CTDP1: variants seen among roughly 807,000 people sequenced by gnomAD.
CTDP1 encodes the protein RNA polymerase II subunit A C-terminal domain phosphatase.
Under a neutral mutation model 91.8 loss-of-function variants are expected in CTDP1, and 47 were observed. The observed-to-expected ratio is 0.51, with a 90% CI of 0.41 to 0.65. The LOEUF (loss-of-function observed/expected upper bound fraction) is 0.65. Among genes scored for constraint, CTDP1 ranks in the 30% least tolerant of loss-of-function variants. The pLI, the probability that CTDP1 is intolerant of heterozygous loss-of-function variation, is 0.00. For missense variants in CTDP1, 1,272 were observed against 1,373.7 expected, an observed-to-expected ratio of 0.93 and a Z score of 1.17; for synonymous variants, 656 against 598.5, an observed-to-expected ratio of 1.10 and a Z score of -1.40.
chr18:79,726,776 C>T (rs8085420), intron 10 of CTDP1, among the ~76,000 whole-genome samples: 56,576 of 108,410 alleles, frequency 0.52, 14,194 homozygotes, highest in Middle Eastern at 0.65. Flanking sequence ...GACACCATTG[C>T]TGGTGGACGG....
Position 79,714,479 on chromosome 18 carries a change from AT to A in CTDP1, c.1031-11del. ...AAATTGCGGTAACTTTTCCTTTTGC[AT>A]GCATATTTAGTAAATCATTCTCGAG... On this transcript the variant is annotated splice_polypyrimidine_tract_variant and intron_variant, in intron 7 of 12. Transcript: ENST00000613122. The A allele has an allele frequency of 1.2e-6, 2 of 1,612,940 alleles. No individual in the cohort carries two copies. Among genetic ancestry groups the A allele is most frequent in the Non-Finnish European group, 1.7e-6 (2 of 1,179,888 alleles).
intron 5 of CTDP1, among the ~76,000 whole-genome samples, chr18:79,709,852 T>G (rs1322595450): frequency 6.6e-6 from 1 of 152,236 alleles, no homozygotes; most frequent in Admixed American, 6.5e-5. Flanking sequence ...GAAGCAAACT[T>G]CCTTGATAAC....
chr18:79,740,106 G>A (rs11520413), intron 12 of CTDP1, among the ~76,000 whole-genome samples: 5 of 3,586 alleles, frequency 1.4e-3, no homozygotes, highest in East Asian at 0.026. Flanking sequence ...ACCCACGGCC[G>A]GGACGGGTGG....
intron 9 of CTDP1, 24 bp from the exon 10 acceptor site, chr18:79,717,786 G>A: frequency 6.2e-7 from 1 of 1,613,710 alleles, no homozygotes; most frequent in South Asian, 1.1e-5. Context: ...CCCGCTCATG[G>A]CCCTCGTTCT....
rs2086509489 is a variant in CTDP1, at chr18:79,729,006, T to C, written c.2517T>C (p.Ser839=). ...CTTCTAGAAGAAAGCGACAGCCCAG[T>C]ATGTCTGAGACAATGCCGCTGTACA... is the stretch of plus-strand genomic sequence containing the variant. ...PGPSRRKRQP[S]MSETMPLYTL... is the part of the protein sequence containing the mutation. The change falls in exon 11 of 13, where the codon AGT becomes AGC. Residue 839 remains serine, a synonymous_variant. Transcript: ENST00000613122. The C allele has an allele frequency of 6.2e-7, 1 of 1,614,026 alleles. No homozygotes were observed. Among genetic ancestry groups the C allele is most frequent in the Non-Finnish European group, 8.5e-7 (1 of 1,180,044 alleles).
intron 1 of CTDP1, among the ~76,000 whole-genome samples, chr18:79,684,008 C>A (rs1010162287): frequency 4.6e-5 from 7 of 152,246 alleles, no homozygotes; most frequent in Non-Finnish European, 8.8e-5. Context: ...CGGGAAGTAT[C>A]TTTGAAAACA....
chr18:79,686,791 T>A (rs2085503430), intron 1 of CTDP1, among the ~76,000 whole-genome samples: 1 of 152,070 alleles, frequency 6.6e-6, no homozygotes, highest in South Asian at 2.1e-4. Flanking sequence ...CTGGTGGGCC[T>A]GCACCACAGC....
chr18:79,754,648 G>A (rs924839418), downstream of CTDP1: 2 of 152,294 alleles, frequency 1.3e-5, no homozygotes, highest in Non-Finnish European at 2.9e-5. Context: ...GCAGAACTGC[G>A]AGCGTGATGA....
In CTDP1 at chr18:79,753,823, C is replaced by G. The variant is rs1802444; in HGVS notation, c.*33C>G. 10 of 1,607,646 alleles carry G rather than the reference C, an allele frequency of 6.2e-6. No individual in the cohort carries two copies. In the Admixed American group the frequency reaches 1.5e-4, roughly 24 times the overall value. On this transcript the variant is annotated 3_prime_UTR_variant, in exon 13 of 13. Transcript: ENST00000613122. ...CAGCGGGCAGGGACTGAAGCCTGAC[C>G]GACCTCCAGCAGCACTCGGACGTCC...
chr18:79,699,465 G>C (rs953234838), intron 4 of CTDP1, among the ~76,000 whole-genome samples: 1 of 151,886 alleles, frequency 6.6e-6, no homozygotes, highest in African/African-American at 2.4e-5. Context: ...GGGTTTCACC[G>C]TGTTAGCCAG....
At chr18:79,729,735 C>T (rs1222101700) in intron 11 of CTDP1, among the ~76,000 whole-genome samples, 2 of 152,212 alleles carry the variant, frequency 1.3e-5, no homozygotes, top group Non-Finnish European at 2.9e-5. Flanking sequence ...TAGGGATGGG[C>T]GATCTGCGCA....
At chr18:79,721,256 C>T (rs2086339667) in intron 10 of CTDP1, among the ~76,000 whole-genome samples, 1 of 152,166 alleles carries the variant, frequency 6.6e-6, no homozygotes, top group African/African-American at 2.4e-5. Flanking sequence ...ACTCTTACTT[C>T]TTTATTTGAC....
At chr18:79,715,727 G>A (rs1184282829) in intron 8 of CTDP1, among the ~76,000 whole-genome samples, 199 bp downstream of exon 8, 2 of 152,232 alleles carry the variant, frequency 1.3e-5, no homozygotes, top group Non-Finnish European at 1.5e-5. Context: ...CGCAGTCATC[G>A]CACACACCAT....
chr18:79,679,727 C>T (rs995482142), upstream of CTDP1: 5 of 512,292 alleles, frequency 9.8e-6, no homozygotes, highest in Non-Finnish European at 1.8e-5. Flanking sequence ...GGCTCCGGCC[C>T]CGCGCGGCGC....
chr18:79,726,451 C>T (rs537937548), intron 10 of CTDP1, among the ~76,000 whole-genome samples: 17 of 152,250 alleles, frequency 1.1e-4, no homozygotes, highest in African/African-American at 3.9e-4. Context: ...CATCTCTGCC[C>T]TCTCAGCTTG....
At chr18:79,693,702 C>T (rs930249188) in intron 1 of CTDP1, among the ~76,000 whole-genome samples, 5 of 152,186 alleles carry the variant, frequency 3.3e-5, no homozygotes, top group African/African-American at 9.7e-5. Context: ...CGGAGCCCCG[C>T]ACCGTGTGTC....
chr18:79,753,602 G>A (rs748050611), intron 12 of CTDP1, 50 bp from the exon 13 acceptor site: 3 of 1,613,740 alleles, frequency 1.9e-6, no homozygotes, highest in South Asian at 1.1e-5. Context: ...CGGTGACCCG[G>A]CGTTGTGCGT....
At chr18:79,723,014 T>C (rs936947277) in intron 10 of CTDP1, among the ~76,000 whole-genome samples, 2 of 152,208 alleles carry the variant, frequency 1.3e-5, no homozygotes, top group East Asian at 3.9e-4. Flanking sequence ...CCCAGTTCCC[T>C]GCACTAAATA....
intron 12 of CTDP1, among the ~76,000 whole-genome samples, chr18:79,744,570 A>G (rs750543096): frequency 1.7e-4 from 26 of 152,232 alleles, no homozygotes; most frequent in Non-Finnish European, 3.2e-4. Context: ...TTCCGCTAAT[A>G]TCAGAGAAGA....
Sources: gnomAD v4.1 joint callset for allele counts (sites outside exome capture counted in the v4.1 genomes callset) on GRCh38, gnomAD v4.1.1 for gene constraint, MANE v1.5 for transcripts, NCBI Gene and HGNC (gene_info 2026-07-23, HGNC 2026-07-21) for gene names.